UNC5D: variants seen among roughly 807,000 people sequenced by gnomAD.
UNC5D encodes the protein unc-5 netrin receptor D.
In UNC5D, 39 loss-of-function variants were observed where a neutral mutation model predicts 105.4. The ratio of observed to expected loss-of-function variants is 0.37; its 90% confidence interval spans 0.29 to 0.48. The LOEUF is 0.48. UNC5D is among the 20% of genes least tolerant of loss of function. The pLI is 0.98. For missense variants in UNC5D, 991 were observed against 1,202.4 expected (o/e 0.82, Z 2.60); for synonymous variants, 452 against 450.4 (o/e 1.00, Z -0.04).
Position 35,464,596 on chromosome 8 carries a change from A to G in UNC5D, c.104-84696A>G, listed in dbSNP as rs1809160078. The stretch of plus-strand genomic sequence containing the variant: ...TCTTTCCTTAAGCTTTCTTGTTCCT[A>G]ATCTTGATTCTCTCTTAGCCTTTTT... On this transcript the variant is annotated intron_variant, in intron 1 of 16. Transcript: ENST00000404895. Among the ~76,000 whole-genome samples the G allele has an allele frequency of 2.0e-5, 3 of 152,022 alleles. No homozygotes were observed. In the South Asian group the frequency reaches 6.2e-4, roughly 32 times the overall value.
At chr8:35,295,270 T>C (rs939567941) in intron 1 of UNC5D, among the ~76,000 whole-genome samples, 3 of 152,350 alleles carry the variant, frequency 2.0e-5, no homozygotes, top group Non-Finnish European at 2.9e-5. Flanking sequence ...TTTATGGTAG[T>C]AATTGCTAAA....
intron 1 of UNC5D, among the ~76,000 whole-genome samples, chr8:35,472,747 T>G (rs577224464): frequency 6.6e-6 from 1 of 152,288 alleles, no homozygotes; most frequent in Admixed American, 6.5e-5. Flanking sequence ...CTTAAAACCA[T>G]AGAAGTATTT....
At chr8:35,557,670 G>C in intron 2 of UNC5D, among the ~76,000 whole-genome samples, 1 of 152,022 alleles carries the variant, frequency 6.6e-6, no homozygotes, top group East Asian at 1.9e-4. Flanking sequence ...GTCCTTAAAA[G>C]AGTCCCCGGA....
intron 8 of UNC5D, among the ~76,000 whole-genome samples, chr8:35,708,127 A>AT (rs1194534157): frequency 6.6e-6 from 1 of 152,210 alleles, no homozygotes; most frequent in Non-Finnish European, 1.5e-5. Context: ...GTGCCTATAT[A>AT]TAGCCATACA....
chr8:35,317,911 G>A (rs1331187405), intron 1 of UNC5D, among the ~76,000 whole-genome samples: 6 of 79,210 alleles, frequency 7.6e-5, no homozygotes, highest in Non-Finnish European at 1.7e-4. Context: ...TCTTTTGGTC[G>A]GTATGAGGAC....
At chr8:35,240,910 C>T (rs1802764735) in intron 1 of UNC5D, among the ~76,000 whole-genome samples, 1 of 152,180 alleles carries the variant, frequency 6.6e-6, no homozygotes, top group Non-Finnish European at 1.5e-5. Flanking sequence ...ACTTAAAATT[C>T]TGAGTGCCAG....
intron 1 of UNC5D, among the ~76,000 whole-genome samples, chr8:35,334,425 G>A (rs562666158): frequency 2.0e-5 from 3 of 152,240 alleles, no homozygotes; most frequent in African/African-American, 7.2e-5. Context: ...TTTATCTGAG[G>A]CCATAGACTC....
At chr8:35,363,877 T>A (rs1038686578) in intron 1 of UNC5D, among the ~76,000 whole-genome samples, 1 of 152,114 alleles carries the variant, frequency 6.6e-6, no homozygotes, top group African/African-American at 2.4e-5. Context: ...TGCCAAATGG[T>A]GACATTTAAA....
chr8:35,443,742 G>A (rs1307572768), intron 1 of UNC5D, among the ~76,000 whole-genome samples: 2 of 151,692 alleles, frequency 1.3e-5, no homozygotes, highest in Non-Finnish European at 1.5e-5. Flanking sequence ...ATTTTATTGA[G>A]GTCTGATCAT....
intron 4 of UNC5D, among the ~76,000 whole-genome samples, chr8:35,602,214 G>C (rs1301061684): frequency 6.6e-6 from 1 of 152,126 alleles, no homozygotes; most frequent in Non-Finnish European, 1.5e-5. Flanking sequence ...ATTTTATTGA[G>C]AATTTTTGCA....
At chr8:35,549,996 A>G (rs1304145806) in intron 2 of UNC5D, among the ~76,000 whole-genome samples, 7 of 146,078 alleles carry the variant, frequency 4.8e-5, no homozygotes, top group Non-Finnish European at 1.0e-4. Flanking sequence ...GCAGATCCCA[A>G]ATTAGATTAC....
intron 1 of UNC5D, among the ~76,000 whole-genome samples, chr8:35,359,286 GCTT>G (rs1801731315): frequency 6.6e-6 from 1 of 152,210 alleles, no homozygotes; most frequent in African/African-American, 2.4e-5. Context: ...TGACCGTGTG[GCTT>G]CTTTTCTTCC....
chr8:35,271,294 T>TACAAACGTGCACGTGTGTATGTATATGC (rs1805274714), intron 1 of UNC5D, among the ~76,000 whole-genome samples: 10 of 81,038 alleles, frequency 1.2e-4, no homozygotes, highest in Non-Finnish European at 2.2e-4. Context: ...TATGTATATG[T>TACAAACGTGCACGTGTGTATGTATATGC]ATACACACAT....
intron 1 of UNC5D, among the ~76,000 whole-genome samples, chr8:35,374,081 A>G (rs545369013): frequency 6.6e-6 from 1 of 152,206 alleles, no homozygotes; most frequent in Non-Finnish European, 1.5e-5. Context: ...TCGTGGTGAC[A>G]TACTGGTAGT....
chr8:35,510,750 A>AT (rs368659417), intron 1 of UNC5D, among the ~76,000 whole-genome samples: 274 of 152,142 alleles, frequency 1.8e-3, no homozygotes, highest in African/African-American at 6.2e-3. Context: ...AGCTTTCTAC[A>AT]TTTTTTTGTC....
chr8:35,387,548 A>C (rs1246068220), intron 1 of UNC5D, among the ~76,000 whole-genome samples: 2 of 152,068 alleles, frequency 1.3e-5, no homozygotes, highest in Non-Finnish European at 2.9e-5. Flanking sequence ...TTTAATATTT[A>C]ATAATTTCAG....
chr8:35,601,276 A>G (rs575033675), intron 4 of UNC5D, among the ~76,000 whole-genome samples: 34 of 152,162 alleles, frequency 2.2e-4, no homozygotes, highest in Non-Finnish European at 2.1e-4. Flanking sequence ...TTGACTTGGC[A>G]ATGTGGGCTC....
chr8:35,311,613 A>C (rs1474337997), intron 1 of UNC5D, among the ~76,000 whole-genome samples: 2 of 152,176 alleles, frequency 1.3e-5, no homozygotes, highest in African/African-American at 4.8e-5. Context: ...GCAAGTACTC[A>C]GAAAATACAT....
intron 14 of UNC5D, among the ~76,000 whole-genome samples, chr8:35,766,248 C>T (rs1801759670): frequency 1.3e-5 from 2 of 151,984 alleles, no homozygotes; most frequent in Admixed American, 6.6e-5. Flanking sequence ...GTTGAATGGA[C>T]AAATTGAGCA....
Sources: gnomAD v4.1 joint callset for allele counts (sites outside exome capture counted in the v4.1 genomes callset) on GRCh38, gnomAD v4.1.1 for gene constraint, MANE v1.5 for transcripts, NCBI Gene and HGNC (gene_info 2026-07-23, HGNC 2026-07-21) for gene names.